The following LIG4 variants were observed in gnomAD, a reference collection of about 807,000 sequenced individuals.
LIG4 encodes DNA joinase.
In LIG4, 13 loss-of-function variants were observed where a neutral mutation model predicts 19.0. The ratio of observed to expected loss-of-function variants is 0.68; its 90% CI spans 0.44 to 1.09. The LOEUF is 1.09. LIG4 is among the 50% of genes least tolerant of loss of function. The probability of loss-of-function intolerance (pLI) is 0.00; values close to 1 mark genes in which losing one functional copy is unlikely to be tolerated. For missense variants in LIG4, 1,026 were observed against 1,089.7 expected (o/e 0.94, Z 0.82); for synonymous variants, 361 against 358.2 (o/e 1.01, Z -0.09).
rs146953431 is a variant in LIG4 at position 108,209,913 on chromosome 13, T to C, written c.1356A>G (p.Pro452=). The C allele has an allele frequency of 9.3e-6, 15 of 1,614,062 alleles. No homozygotes were observed. Among genetic ancestry groups the C allele is most frequent in the Non-Finnish European group, 1.2e-5 (14 of 1,180,032 alleles). ...KRGEGWLKIK[P]EYVSGLMDEL... is the part of the protein sequence containing the mutation. ...CATCCATTAGTCCACTGACATACTC[T>C]GGTTTAATTTTTAACCACCCTTCAC... The change falls in exon 3 of 3, where the codon CCA becomes CCG. Residue 452 remains proline (P), a synonymous_variant. Coordinates refer to ENST00000442234, the MANE Select transcript of LIG4 (RefSeq NM_206937.2).
In LIG4 at chr13:108,210,014, T is replaced by A. The variant is rs1878446555; in HGVS notation, c.1255A>T (p.Asn419Tyr). 1 of 1,612,126 alleles carries A rather than the reference T, an allele frequency of 6.2e-7. No individual in the cohort carries two copies. ...HTKNEVIDALNEAIDKREEGI... is the reference protein window; with the variant it reads ...HTKNEVIDALYEAIDKREEGI... ...TCTTCTCTTTTATCTATTGCTTCATTCAATGCATCAATTACTTCATTCTTA... is the reference window on the plus strand; with the variant it reads ...TCTTCTCTTTTATCTATTGCTTCATACAATGCATCAATTACTTCATTCTTA... The change falls in exon 3 of 3, where the codon AAT becomes TAT. Residue 419 changes from asparagine to tyrosine, a missense_variant. Asn to Tyr is a moderately radical substitution (Grantham distance 143). Around this residue, in one of 3 missense-constraint regions of LIG4, gnomAD observed 493 missense variants for 544.5 expected, o/e 0.91. Transcript: ENST00000442234.
Position 108,208,807 on chromosome 13 carries a change from T to C in LIG4, c.2462A>G (p.Asp821Gly), listed in dbSNP as rs1878217538. Residue 821 changes from aspartate to glycine, a missense_variant, in exon 3 of 3, where the codon GAC becomes GGC. By Grantham distance (94) the Asp-to-Gly change is moderately conservative (BLOSUM62 -1). Around this residue, in one of 3 missense-constraint regions of LIG4, gnomAD observed 521 missense variants for 515.5 expected, o/e 1.01. Transcript: ENST00000442234. ...CAGGTCATTAATAACAGCATACGAGTCCAAATAAACGGTGTGGCGTCGAAA... is the reference window on the plus strand; with the variant it reads ...CAGGTCATTAATAACAGCATACGAGCCCAAATAAACGGTGTGGCGTCGAAA... ...SMFRRHTVYL[D>G]SYAVINDLST... The C allele has an allele frequency of 4.3e-6, 7 of 1,613,912 alleles. No individual in the cohort carries two copies. Among genetic ancestry groups the C allele is most frequent in the Non-Finnish European group, 5.9e-6 (7 of 1,179,988 alleles).
chr13:108,213,728 T>C (rs1329189236), intron 2 of LIG4, among the ~76,000 whole-genome samples: 1 of 152,230 alleles, frequency 6.6e-6, no homozygotes, highest in Non-Finnish European at 1.5e-5. Context: ...CAAATGTGGA[T>C]GGTAACATTT....
At position 108,209,520 on chromosome 13, in the gene LIG4, CT is replaced by C. The variant is rs1878361175; in HGVS notation, c.1748del (p.Lys583ArgfsTer2). On this transcript the variant is annotated frameshift_variant, in exon 3 of 3. Coordinates refer to ENST00000442234, the MANE Select transcript of LIG4 (RefSeq NM_206937.2). LOFTEE classifies it low-confidence loss of function (END_TRUNC). The stretch of plus-strand genomic sequence containing the variant: ...CATGCCACTCCTTGTCATCTCTTAT[CT>C]TTTCAATTCGTGGAAAACGCAAGGT... ...GCTLRFPRIE[K>X]IRDDKEWHEC... The C allele has an allele frequency of 1.2e-6, 2 of 1,613,784 alleles. No individual in the cohort carries two copies. The highest frequency in any genetic ancestry group is 2.7e-5 in the African/African-American group (2 of 74,922).
In LIG4 at chr13:108,210,825, T is replaced by C. The variant is rs1878576563; in HGVS notation, c.444A>G (p.Val148=). Residue 148 remains valine, a synonymous_variant, in exon 3 of 3, where the codon GTA becomes GTG. Transcript: ENST00000442234. ...TGGCAATTGAGTCTAAAAGGTCGTTTACTTGCTGTATGGTTAAACTTCCTT... is the reference window on the plus strand; with the variant it reads ...TGGCAATTGAGTCTAAAAGGTCGTTCACTTGCTGTATGGTTAAACTTCCTT... ...LQKGSLTIQQ[V]NDLLDSIASN... The C allele has an allele frequency of 6.2e-7, 1 of 1,613,982 alleles. No homozygotes were observed. The highest frequency in any genetic ancestry group is 1.3e-5 in the African/African-American group (1 of 75,044).
Position 108,208,911 on chromosome 13 carries a change from C to A in LIG4, c.2358G>T (p.Glu786Asp), listed in dbSNP as rs974853257. 3 of 1,614,062 alleles carry A rather than the reference C, an allele frequency of 1.9e-6. No individual in the cohort carries two copies. The highest frequency in any genetic ancestry group is 2.5e-6 in the Non-Finnish European group (3 of 1,180,022). ...EVFSGIKNSN[E>D]QTPEEMASLI... ...GAGAAGCCATTTCTTCAGGAGTCTG[C>A]TCGTTAGAATTTTTAATTCCTGAGA... is the stretch of plus-strand genomic sequence containing the variant. The change falls in exon 3 of 3, where the codon GAG becomes GAT. Residue 786 changes from glutamate to aspartate, a missense_variant. Physicochemically the swap from Glu to Asp is conservative, Grantham distance 45. Around this residue, in one of 3 missense-constraint regions of LIG4, gnomAD observed 521 missense variants for 515.5 expected, o/e 1.01. Coordinates refer to ENST00000442234, the MANE Select transcript of LIG4 (RefSeq NM_206937.2).
Position 108,209,059 on chromosome 13 carries a change from G to A in LIG4, c.2210C>T (p.Pro737Leu), listed in dbSNP as rs745416356. 8.7e-6 allele frequency: 14 copies of A among 1,613,976 alleles called. No individual in the cohort carries two copies. Among genetic ancestry groups the A allele is most frequent in the Non-Finnish European group, 1.2e-5 (14 of 1,180,040 alleles). Residue 737 changes from proline to leucine, a missense_variant, in exon 3 of 3, where the codon CCA becomes CTA. Physicochemically the swap from Pro to Leu is moderately conservative, Grantham distance 98. Around this residue, in one of 3 missense-constraint regions of LIG4, gnomAD observed 521 missense variants for 515.5 expected, o/e 1.01. Transcript: ENST00000442234. ...ATGAATCATAAAGCGAGGCTGCCAT[G>A]GTACAAAGCTTTTGGTCTTAAAACA... is the stretch of plus-strand genomic sequence containing the variant. ...LECFKTKSFV[P>L]WQPRFMIHMC...
intron 1 of LIG4, among the ~76,000 whole-genome samples, chr13:108,215,060 G>T (rs1399278104): frequency 1.8e-5 from 1 of 55,482 alleles, no homozygotes; most frequent in Non-Finnish European, 3.3e-5. Flanking sequence ...CCAATCTGAC[G>T]CCCCACACCC....
intron 2 of LIG4, among the ~76,000 whole-genome samples, chr13:108,213,812 A>G (rs1216786108): frequency 6.6e-6 from 1 of 152,262 alleles, no homozygotes; most frequent in East Asian, 1.9e-4. Flanking sequence ...ATGGGGTTAA[A>G]AACTATGTAG....
rs143618179 is a variant in LIG4, at chr13:108,209,981, T to A, written c.1288A>T (p.Met430Leu). 8.7e-5 allele frequency: 140 copies of A among 1,612,932 alleles called. 1 individual carries two copies. In the African/African-American group the frequency reaches 1.7e-3, roughly 19 times the overall value. Residue 430 changes from methionine to leucine, a missense_variant, in exon 3 of 3, where the codon ATG (methionine) becomes TTG (leucine). Around this residue, in one of 3 missense-constraint regions of LIG4, gnomAD observed 493 missense variants for 544.5 expected, o/e 0.91. Coordinates refer to ENST00000442234, the MANE Select transcript of LIG4 (RefSeq NM_206937.2). ...EAIDKREEGI[M>L]VKQPLSIYKP... ...TAGATGGATAGAGGTTGTTTTACCA[T>A]AATTCCCTCTTCTCTTTTATCTATT... is the stretch of plus-strand genomic sequence containing the variant.
At position 108,209,025 on chromosome 13, in the gene LIG4, T is replaced by C. The variant is rs746627171; in HGVS notation, c.2244A>G (p.Pro748=). ...CACGGGCAAAATGTTCTTTGGTTGA[T>C]GGGCACATATGAATCATAAAGCGAG... ...WQPRFMIHMC[P]STKEHFAREY... is the part of the protein sequence containing the mutation. The change falls in exon 3 of 3, where the codon CCA becomes CCG. Residue 748 remains proline (P), a synonymous_variant. Transcript: ENST00000442234. 1 of 1,614,158 alleles carries C rather than the reference T, an allele frequency of 6.2e-7. No individual in the cohort carries two copies. The highest frequency in any genetic ancestry group is 1.1e-5 in the South Asian group (1 of 91,082).
intron 2 of LIG4, among the ~76,000 whole-genome samples, chr13:108,213,681 T>C (rs1878904613): frequency 6.6e-6 from 1 of 152,228 alleles, no homozygotes; most frequent in Admixed American, 6.5e-5. Flanking sequence ...AGGTTCCTGG[T>C]TAGGGCTCAG....
chr13:108,208,569 C>G lies in LIG4; in HGVS notation c.2700G>C (p.Lys900Asn). The G allele has an allele frequency of 6.2e-7, 1 of 1,612,574 alleles. No homozygotes were observed. Among genetic ancestry groups the G allele is most frequent in the Non-Finnish European group, 8.5e-7 (1 of 1,178,798 alleles). ...ACTGGTTTTCTTCTTGTAATTCACA[C>G]TTGTCTATTGAATCAGTTACCCAAC... ...KESWVTDSID[K>N]CELQEENQYL... Residue 900 changes from lysine (K) to asparagine (N), a missense_variant, in exon 3 of 3, where the codon AAG becomes AAC. Lys to Asn is a moderately conservative substitution (Grantham distance 94). Transcript: ENST00000442234.
Position 108,209,584 on chromosome 13 carries a change from G to A in LIG4, c.1685C>T (p.Ala562Val). 6.2e-7 allele frequency: 1 copy of A among 1,614,080 alleles called. No individual in the cohort carries two copies. Among genetic ancestry groups the A allele is most frequent in the Non-Finnish European group, 8.5e-7 (1 of 1,180,018 alleles). ...CNSVIVQIKAAEIVPSDMYKT... is the reference protein window; with the variant it reads ...CNSVIVQIKAVEIVPSDMYKT... Reference sequence around the variant, plus strand: ...ATACATATCACTGGGTACGATCTCTGCTGCTTTAATCTGAACAATGACAGA... The same window carrying A: ...ATACATATCACTGGGTACGATCTCTACTGCTTTAATCTGAACAATGACAGA... The change falls in exon 3 of 3, where the codon GCA becomes GTA. Residue 562 changes from alanine (A) to valine (V), a missense_variant. By Grantham distance (64) the Ala-to-Val change is moderately conservative. Transcript: ENST00000442234.
Position 108,215,275 on chromosome 13 carries a change from A to T in LIG4, c.-102+209T>A, listed in dbSNP as rs1354787787. 4.0e-4 allele frequency among the ~76,000 whole-genome samples: 20 copies of T among 50,082 alleles called. 1 individual carries two copies. Among genetic ancestry groups the T allele is most frequent in the African/African-American group, 1.8e-3 (20 of 11,302 alleles). 32.9% of individuals were successfully genotyped at this position (50,082 alleles called of 152,430 possible). On this transcript the variant is annotated intron_variant, in intron 1 of 2. Coordinates refer to ENST00000442234, the MANE Select transcript of LIG4 (RefSeq NM_206937.2). ...ACAGACCCCCAACGTGACGCCCTAC[A>T]GACCCCAACCTGACGTCCCACAGAT...
rs377032117 is a variant in LIG4 at position 108,209,123 on chromosome 13, T to C, written c.2146A>G (p.Asn716Asp). ...GCAGGCTTGACAACATCATGTTTAT[T>C]TGACAAAATTATGTTTTTCACTCTG... Reference protein sequence around the residue: ...NIRVKNIILSNKHDVVKPAWL... With the variant: ...NIRVKNIILSDKHDVVKPAWL... The change falls in exon 3 of 3, where the codon AAT (asparagine) becomes GAT (aspartate). Residue 716 changes from asparagine (N) to aspartate (D), a missense_variant. Asn to Asp is a conservative substitution (Grantham distance 23). This residue lies in a region of LIG4 where 521 missense variants were observed against 515.5 expected (regional missense o/e 1.01). Coordinates refer to ENST00000442234, the MANE Select transcript of LIG4 (RefSeq NM_206937.2). The C allele has an allele frequency of 6.8e-6, 11 of 1,614,044 alleles. No individual in the cohort carries two copies. In the African/African-American group the frequency reaches 1.5e-4, roughly 22 times the overall value.
In LIG4 at chr13:108,209,426, G is replaced by GT; in HGVS notation, c.1842_1843insA (p.Leu615ThrfsTer6). 6.2e-7 allele frequency: 1 copy of GT among 1,614,090 alleles called. No homozygotes were observed. Among genetic ancestry groups the GT allele is most frequent in the Non-Finnish European group, 8.5e-7 (1 of 1,180,030 alleles). On this transcript the variant is annotated frameshift_variant, in exon 3 of 3. Transcript: ENST00000442234. LOFTEE classifies it low-confidence loss of function (END_TRUNC). The stretch of plus-strand genomic sequence containing the variant: ...GGTTCATCATCACCACCTATATAAA[G>GT]GTGTTTAGATGCGAGCTTACCAGAT...
chr13:108,210,698 T>C lies in LIG4; in HGVS notation c.571A>G (p.Ile191Val). Residue 191 changes from isoleucine (I) to valine (V), a missense_variant, in exon 3 of 3, where the codon ATA (isoleucine) becomes GTA (valine). Coordinates refer to ENST00000442234, the MANE Select transcript of LIG4 (RefSeq NM_206937.2). Reference sequence around the variant, plus strand: ...CTAACACCAAGCTTTAAATCCTTTATGATCATCCGTATAAGCCACTTTTGC... The same window carrying C: ...CTAACACCAAGCTTTAAATCCTTTACGATCATCCGTATAAGCCACTTTTGC... Reference protein sequence around the residue: ...LEQKWLIRMIIKDLKLGVSQQ... With the variant: ...LEQKWLIRMIVKDLKLGVSQQ... 2.5e-6 allele frequency: 4 copies of C among 1,613,956 alleles called. No homozygotes were observed. The highest frequency in any genetic ancestry group is 1.1e-5 in the South Asian group (1 of 91,080).
rs142957638 is a variant in LIG4, at chr13:108,210,583, T to C, written c.686A>G (p.His229Arg). The C allele has an allele frequency of 3.1e-4, 505 of 1,613,382 alleles. 1 individual carries two copies. In the African/African-American group the frequency reaches 6.2e-3, roughly 20 times the overall value. ...TDLEKVCRQLHDPSVGLSDIS... is the reference protein window; with the variant it reads ...TDLEKVCRQLRDPSVGLSDIS... ...ATCACTGAGTCCTACAGAAGGATCA[T>C]GCAGTTGCCTACAGACTTTTTCCAG... The change falls in exon 3 of 3, where the codon CAT becomes CGT. Residue 229 changes from histidine to arginine, a missense_variant. Transcript: ENST00000442234.
Sources: allele counts gnomAD v4.1 joint callset (sites outside exome capture counted in the v4.1 genomes callset), GRCh38; gene constraint gnomAD v4.1.1; regional missense constraint gnomAD v4.1.1; transcripts MANE v1.5; gene names NCBI Gene and HGNC (gene_info 2026-07-23, HGNC 2026-07-21).